Variants in ZNF106 observed in about 807,000 individuals in gnomAD.
ZNF106 encodes SH3-domain binding protein 3.
A neutral mutation model predicts 195.1 loss-of-function variants in ZNF106; 67 were observed. The observed-to-expected ratio is 0.34, with a 90% confidence interval of 0.28 to 0.42. The LOEUF (loss-of-function observed/expected upper bound fraction) is 0.42. ZNF106 is among the 10% of genes least tolerant of loss of function. The pLI is 1.00. For synonymous variants in ZNF106, 784 were observed against 818.6 expected (o/e 0.96, Z 0.72); for missense variants, 2,118 against 2,304.5 (o/e 0.92, Z 1.66).
intron 4 of ZNF106, among the ~76,000 whole-genome samples, chr15:42,454,610 G>A (rs1272723138): frequency 2.0e-5 from 3 of 151,994 alleles, no homozygotes; most frequent in Non-Finnish European, 4.4e-5. Context: ...TTGTCCAGGT[G>A]TGGTGGCTCA....
intron 14 of ZNF106, among the ~76,000 whole-genome samples, chr15:42,429,574 C>T (rs574638194): frequency 6.6e-6 from 1 of 151,988 alleles, no homozygotes; most frequent in Non-Finnish European, 1.5e-5. Context: ...CTTGTCAAAT[C>T]CATTGGTCTC....
rs1458049737 is a variant in ZNF106 at position 42,448,442 on chromosome 15, C to T, written c.2765G>A (p.Arg922Lys). Residue 922 changes from arginine (R) to lysine (K), a missense_variant, in exon 6 of 22, where the codon AGG (arginine) becomes AAG (lysine). Physicochemically the swap from Arg to Lys is conservative, Grantham distance 26. Coordinates refer to ENST00000564754, the MANE Select transcript of ZNF106 (RefSeq NM_001366845.3). ...QQMVSPSNSL[R>K]AGQSQKATMH... ...GGTTGCTTTCTGGCTCTGTCCAGCC[C>T]TCAATGAGTTACTAGGTGAAACCAT... 11 of 1,614,012 alleles carry T rather than the reference C, an allele frequency of 6.8e-6. No individual in the cohort carries two copies. Among genetic ancestry groups the T allele is most frequent in the Non-Finnish European group, 9.3e-6 (11 of 1,180,036 alleles).
intron 13 of ZNF106, 39 bp from the exon 14 acceptor site, chr15:42,435,557 T>C: frequency 6.2e-7 from 1 of 1,611,614 alleles, no homozygotes; most frequent in Non-Finnish European, 8.5e-7. Flanking sequence ...ACTTATGAGA[T>C]ATAGGAGGAT....
chr15:42,418,648 G>C (rs973511120), intron 20 of ZNF106, among the ~76,000 whole-genome samples: 3 of 150,384 alleles, frequency 2.0e-5, no homozygotes, highest in African/African-American at 7.4e-5. Context: ...CAAAGTGCTG[G>C]GATTACAGGC....
At chr15:42,469,110 AGGAGGT>A (rs2056602463) in intron 2 of ZNF106, among the ~76,000 whole-genome samples, 1 of 151,752 alleles carries the variant, frequency 6.6e-6, no homozygotes, top group African/African-American at 2.4e-5. Context: ...ACTTGAACCC[AGGAGGT>A]GGAGGTTGCA....
intron 18 of ZNF106, 92 bp from the exon 19 acceptor site, chr15:42,422,080 A>C (rs560726145): frequency 1.9e-6 from 2 of 1,056,170 alleles, no homozygotes; most frequent in Non-Finnish European, 2.6e-6. Context: ...GTTTAAAACC[A>C]CACCTGAGGC....
chr15:42,481,411 G>A (rs1364619037), intron 1 of ZNF106, among the ~76,000 whole-genome samples: 1 of 141,722 alleles, frequency 7.1e-6, no homozygotes, highest in Non-Finnish European at 1.5e-5. Context: ...AGGCTGGAGT[G>A]CAGTGTTGCC....
At chr15:42,477,905 A>C (rs116836115) in intron 1 of ZNF106, among the ~76,000 whole-genome samples, 2,224 of 152,142 alleles carry the variant, frequency 0.015, 55 homozygotes, top group African/African-American at 0.051. Flanking sequence ...AAAACAAAAA[A>C]AAACAAACAA....
intron 6 of ZNF106, among the ~76,000 whole-genome samples, chr15:42,447,406 A>AT (rs1362980204): frequency 6.6e-5 from 10 of 151,918 alleles, no homozygotes; most frequent in Admixed American, 5.3e-4. Context: ...AGAAGAACCC[A>AT]TTTTTTTTCA....
In ZNF106 at chr15:42,432,023, C is replaced by A. The variant is rs76243063; in HGVS notation, c.4881+3361G>T. On this transcript the variant is annotated intron_variant, in intron 14 of 21. Coordinates refer to ENST00000564754, the MANE Select transcript of ZNF106 (RefSeq NM_001366845.3). ...ACTATAACTGTGAATTTGTCTACTC[C>A]TTTCAGTTCTATCAGTTATTGTTTC... 6.5e-4 allele frequency among the ~76,000 whole-genome samples: 99 copies of A among 151,776 alleles called. No individual in the cohort carries two copies. The East Asian group carries it at 0.017, about 26-fold the overall frequency.
Position 42,439,559 on chromosome 15 carries a change from C to A in ZNF106, c.4018G>T (p.Ala1340Ser), listed in dbSNP as rs761640730. ...TCCTTCTCCAAAGGGGTTTCTGAAG[C>A]AAAAGACAATCTTAGAAAAGAACTG... is the stretch of plus-strand genomic sequence containing the variant. ...CTSSFLRLSF[A>S]SETPLEKEPH... The change falls in exon 11 of 22, where the codon GCT becomes TCT. Residue 1340 changes from alanine to serine, a missense_variant. Coordinates refer to ENST00000564754, the MANE Select transcript of ZNF106 (RefSeq NM_001366845.3). 2.5e-6 allele frequency: 4 copies of A among 1,614,190 alleles called. No individual in the cohort carries two copies. In the South Asian group the frequency reaches 3.3e-5, roughly 13 times the overall value.
rs546912849 is a variant in ZNF106, at chr15:42,415,122, C to CTT, written c.*2180_*2181dup. On this transcript the variant is annotated 3_prime_UTR_variant, in exon 22 of 22. Coordinates refer to ENST00000564754, the MANE Select transcript of ZNF106 (RefSeq NM_001366845.3). ...CCATTCATTATCTCCTAGATTAACTCTTTTTTTTTTTTTTTTGAGGTGGAG... is the reference window on the plus strand; with the variant it reads ...CCATTCATTATCTCCTAGATTAACTCTTTTTTTTTTTTTTTTTTGAGGTGGAG... 6,319 of 161,658 alleles carry CTT rather than the reference C, an allele frequency of 0.039. 475 individuals carry two copies. Among genetic ancestry groups the CTT allele is most frequent in the African/African-American group, 0.15 (5,445 of 36,494 alleles). The allele number at this position is 161,658 out of a possible 1,614,324, so 10.0% of individuals were successfully genotyped here.
chr15:42,435,604 CA>C, intron 13 of ZNF106, 86 bp from the exon 14 acceptor site: 1 of 1,529,248 alleles, frequency 6.5e-7, no homozygotes, highest in Non-Finnish European at 9.0e-7. Context: ...GATGCTAAAA[CA>C]TTCAGTTCAC....
intron 1 of ZNF106, among the ~76,000 whole-genome samples, chr15:42,480,130 T>A (rs967491243): frequency 6.6e-6 from 1 of 152,216 alleles, no homozygotes; most frequent in Non-Finnish European, 1.5e-5. Context: ...TAATTTTTGT[T>A]GTTGTTATCA....
intron 17 of ZNF106, 48 bp from the exon 18 acceptor site, chr15:42,422,668 C>T: frequency 6.4e-7 from 1 of 1,555,350 alleles, no homozygotes; most frequent in Non-Finnish European, 8.7e-7. Context: ...TTCGAGACTC[C>T]TTCCTGGTTA....
At chr15:42,489,831 T>C (rs1204708957) in intron 1 of ZNF106, among the ~76,000 whole-genome samples, 9 of 150,624 alleles carry the variant, frequency 6.0e-5, no homozygotes, top group African/African-American at 2.2e-4. Flanking sequence ...AGGTCAGGAG[T>C]TGGAGACTAG....
chr15:42,434,956 A>G (rs1476157535), intron 14 of ZNF106, among the ~76,000 whole-genome samples: 2 of 152,004 alleles, frequency 1.3e-5, no homozygotes, highest in African/African-American at 4.8e-5. Flanking sequence ...TATTTTTAGT[A>G]GAGACAGGGT....
chr15:42,427,804 T>TA, intron 15 of ZNF106: 1 of 383,460 alleles, frequency 2.6e-6, no homozygotes, highest in Admixed American at 3.8e-5. Context: ...TTAGTGGAGT[T>TA]ACATTTTGGT....
chr15:42,446,219 G>A (rs548305109), intron 7 of ZNF106, among the ~76,000 whole-genome samples: 1 of 152,132 alleles, frequency 6.6e-6, no homozygotes. Flanking sequence ...AAAGTAAATG[G>A]ACAATCAGTG....
Sources: gnomAD v4.1 joint callset for allele counts (sites outside exome capture counted in the v4.1 genomes callset) on GRCh38, gnomAD v4.1.1 for gene constraint, MANE v1.5 for transcripts, NCBI Gene and HGNC (gene_info 2026-07-23, HGNC 2026-07-21) for gene names.